Variants in VPS13B observed in about 807,000 individuals in gnomAD.
VPS13B encodes the protein intermembrane lipid transfer protein VPS13B.
Under a neutral mutation model 426.4 loss-of-function variants are expected in VPS13B, and 285 were observed. The observed-to-expected ratio is 0.67, with a 90% CI of 0.61 to 0.74. The LOEUF is 0.74. VPS13B is among the 30% of genes least tolerant of loss of function. The probability of loss-of-function intolerance (pLI) is 0.00; values close to 1 mark genes in which losing one functional copy is unlikely to be tolerated. For missense variants in VPS13B, 4,537 were observed against 4,782.6 expected, an observed-to-expected ratio of 0.95 and a Z score of 1.51; for synonymous variants, 1,676 against 1,676.4, an observed-to-expected ratio of 1.00 and a Z score of 0.01.
chr8:99,036,872 T>C (rs528848618), intron 2 of VPS13B, among the ~76,000 whole-genome samples: 2 of 152,262 alleles, frequency 1.3e-5, no homozygotes, highest in South Asian at 4.1e-4. Flanking sequence ...AATGGAAGTA[T>C]AGAGGCAGTA....
Position 99,861,640 on chromosome 8 carries a change from G to C in VPS13B, c.11045-136G>C, listed in dbSNP as rs908954579. The C allele has an allele frequency of 5.9e-5, 69 of 1,171,578 alleles. No individual in the cohort carries two copies. In the African/African-American group the frequency reaches 9.9e-4, roughly 17 times the overall value. The allele number at this position is 1,171,578 out of a possible 1,614,324, so 72.6% of individuals were successfully genotyped here. A position where few individuals can be genotyped will look rare whatever the true frequency, so the allele number is the denominator to read the frequency against. On this transcript the variant is annotated intron_variant, in intron 57 of 61. Transcript: ENST00000357162. ...TTAAGGCTCTTTCTTCAAATTGCCT[G>C]AGAGGGAGCCACCATCACTTGCCAC...
At chr8:99,792,017 G>C (rs1337032234) in intron 43 of VPS13B, among the ~76,000 whole-genome samples, 1 of 152,158 alleles carries the variant, frequency 6.6e-6, no homozygotes, top group Non-Finnish European at 1.5e-5. Context: ...TAGCCCAACT[G>C]TTCAGCTGAC....
rs1588732177 is a variant in VPS13B, at chr8:99,809,508, A to C, written c.8075A>C (p.Gln2692Pro). Residue 2692 changes from glutamine to proline, a missense_variant, in exon 44 of 62, where the codon CAA (glutamine) becomes CCA (proline). Physicochemically the swap from Gln to Pro is moderately conservative, Grantham distance 76 (BLOSUM62 -1). Around this residue, in one of 2 missense-constraint regions of VPS13B, gnomAD observed 4,311 missense variants for 4,474.3 expected, o/e 0.96. Transcript: ENST00000357162. Reference protein sequence around the residue: ...RTASLIIKVQQLNGVQKQIII... With the variant: ...RTASLIIKVQPLNGVQKQIII... Reference sequence around the variant, plus strand: ...GCTTCTCTCATCATCAAGGTTCAGCAACTCAATGGAGTACAAAAACAGGTA... The same window carrying C: ...GCTTCTCTCATCATCAAGGTTCAGCCACTCAATGGAGTACAAAAACAGGTA... The C allele has an allele frequency of 6.2e-7, 1 of 1,614,090 alleles. No individual in the cohort carries two copies. Among genetic ancestry groups the C allele is most frequent in the African/African-American group, 1.3e-5 (1 of 75,060 alleles).
intron 17 of VPS13B, among the ~76,000 whole-genome samples, chr8:99,265,539 T>G (rs1302401627): frequency 6.6e-6 from 1 of 152,192 alleles, no homozygotes; most frequent in Non-Finnish European, 1.5e-5. Context: ...ATTCCTTAGT[T>G]GAGAGTCCTC....
intron 39 of VPS13B, among the ~76,000 whole-genome samples, chr8:99,737,785 A>C (rs1833905790): frequency 6.6e-6 from 1 of 152,258 alleles, no homozygotes; most frequent in Admixed American, 6.5e-5. Flanking sequence ...AGAGATATTC[A>C]GAATGCTGCT....
At chr8:99,145,110 T>C (rs1413831032) in intron 13 of VPS13B, among the ~76,000 whole-genome samples, 1 of 152,200 alleles carries the variant, frequency 6.6e-6, no homozygotes, top group East Asian at 1.9e-4. Context: ...CAATAAATGT[T>C]TGTAAGTCAT....
chr8:99,053,412 G>C (rs1020783657), intron 3 of VPS13B, among the ~76,000 whole-genome samples: 2 of 151,848 alleles, frequency 1.3e-5, no homozygotes, highest in Non-Finnish European at 2.9e-5. Flanking sequence ...TTGTCCTTGC[G>C]ATAGTTTGCT....
chr8:99,591,642 T>C (rs1054100311), intron 33 of VPS13B, among the ~76,000 whole-genome samples: 1 of 152,156 alleles, frequency 6.6e-6, no homozygotes, highest in Non-Finnish European at 1.5e-5. Context: ...AAATTCTGGG[T>C]TGAAAATTCT....
At chr8:99,133,555 T>A (rs1015135988) in intron 8 of VPS13B, among the ~76,000 whole-genome samples, 9 of 152,242 alleles carry the variant, frequency 5.9e-5, no homozygotes, top group African/African-American at 2.2e-4. Flanking sequence ...GGCTTTTACA[T>A]CCCTTCTTCA....
chr8:99,521,469 A>C (rs963206667), intron 30 of VPS13B, among the ~76,000 whole-genome samples: 1 of 152,224 alleles, frequency 6.6e-6, no homozygotes, highest in African/African-American at 2.4e-5. Context: ...TCTAAAGAGA[A>C]ATTTCACAGT....
At chr8:99,842,395 C>T (rs1272660032) in intron 54 of VPS13B, among the ~76,000 whole-genome samples, 1 of 151,878 alleles carries the variant, frequency 6.6e-6, no homozygotes, top group Admixed American at 6.6e-5. Context: ...TCACGTGGGG[C>T]CAGGAGTTTG....
intron 19 of VPS13B, among the ~76,000 whole-genome samples, chr8:99,326,452 C>CTTGTTTTTTTTTTTTTT (rs1810267861): frequency 3.1e-5 from 1 of 32,518 alleles, no homozygotes; most frequent in Non-Finnish European, 5.2e-5. Flanking sequence ...CTCTAGGTAG[C>CTTGTTTTTTTTTTTTTT]TTTTTTTTTT....
At chr8:99,328,513 G>C (rs906875096) in intron 19 of VPS13B, among the ~76,000 whole-genome samples, 1 of 152,062 alleles carries the variant, frequency 6.6e-6, no homozygotes, top group Non-Finnish European at 1.5e-5. Context: ...AGTGGGACCT[G>C]GATACTCTCT....
intron 17 of VPS13B, among the ~76,000 whole-genome samples, chr8:99,235,971 T>A (rs1816621929): frequency 6.6e-6 from 1 of 152,086 alleles, no homozygotes; most frequent in Admixed American, 6.5e-5. Context: ...GATCTTAAAG[T>A]TTAAAAACAG....
At chr8:99,393,617 A>G (rs187276613) in intron 21 of VPS13B, among the ~76,000 whole-genome samples, 5 of 152,266 alleles carry the variant, frequency 3.3e-5, no homozygotes, top group Non-Finnish European at 7.4e-5. Flanking sequence ...TTCTTACTCA[A>G]GCTTGCATAA....
chr8:99,178,745 C>A (rs770617687), intron 16 of VPS13B, among the ~76,000 whole-genome samples: 192 of 151,982 alleles, frequency 1.3e-3, no homozygotes, highest in South Asian at 1.2e-3. Context: ...CCTCAGCCTC[C>A]CAAGTAGCTG....
At position 99,520,922 on chromosome 8, in the gene VPS13B, A is replaced by G; in HGVS notation, c.4657A>G (p.Thr1553Ala). 6.2e-7 allele frequency: 1 copy of G among 1,613,792 alleles called. No homozygotes were observed. Among genetic ancestry groups the G allele is most frequent in the Non-Finnish European group, 8.5e-7 (1 of 1,179,728 alleles). The change falls in exon 30 of 62, where the codon ACT (threonine) becomes GCT (alanine). Residue 1553 changes from threonine (T) to alanine (A), a missense_variant. Around this residue, in one of 2 missense-constraint regions of VPS13B, gnomAD observed 4,311 missense variants for 4,474.3 expected, o/e 0.96. Coordinates refer to ENST00000357162, the MANE Select transcript of VPS13B (RefSeq NM_152564.5). ...VEANQAAKED[T>A]VVLKIGSVAM... ...AGCTAATCAGGCAGCAAAAGAAGAC[A>G]CTGTGGTTTTGAAGATTGGCTCTGT...
At chr8:99,349,020 G>A (rs1051303047) in intron 19 of VPS13B, among the ~76,000 whole-genome samples, 1 of 151,948 alleles carries the variant, frequency 6.6e-6, no homozygotes, top group Non-Finnish European at 1.5e-5. Flanking sequence ...ATTTTTAAAG[G>A]ATATGAGATA....
intron 33 of VPS13B, among the ~76,000 whole-genome samples, chr8:99,599,574 A>C (rs945597553): frequency 6.6e-6 from 1 of 152,104 alleles, no homozygotes; most frequent in Non-Finnish European, 1.5e-5. Context: ...CTTTTCTAAC[A>C]AGCAACTTCT....
Sources: allele counts gnomAD v4.1 joint callset (sites outside exome capture counted in the v4.1 genomes callset), GRCh38; gene constraint gnomAD v4.1.1; regional missense constraint gnomAD v4.1.1; transcripts MANE v1.5; gene names NCBI Gene and HGNC (gene_info 2026-07-23, HGNC 2026-07-21).